ASB15: variants seen among roughly 807,000 people sequenced by gnomAD.
ASB15 encodes ankyrin repeat and SOCS box protein 15.
ASB15 carries 54 observed loss-of-function variants against 58.0 expected under a neutral mutation model. The observed-to-expected ratio is 0.93, with a 90% CI of 0.75 to 1.17. ASB15 has a LOEUF of 1.17. Among genes scored for constraint, ASB15 ranks in the 50% most tolerant of loss-of-function variants. The pLI, the probability that ASB15 is intolerant of heterozygous loss-of-function variation, is 0.00. For synonymous variants in ASB15, 249 were observed against 262.4 expected, an observed-to-expected ratio of 0.95 and a Z score of 0.50; for missense variants, 680 against 707.4, an observed-to-expected ratio of 0.96 and a Z score of 0.44.
chr7:123,596,196 C>A (rs1458268554), intron 1 of ASB15, among the ~76,000 whole-genome samples: 1 of 151,976 alleles, frequency 6.6e-6, no homozygotes. Context: ...GGAGGCAAAT[C>A]ATGAGACCAT....
intron 7 of ASB15, among the ~76,000 whole-genome samples, chr7:123,619,477 G>T (rs1801085729): frequency 1.3e-5 from 2 of 152,172 alleles, no homozygotes; most frequent in South Asian, 2.1e-4. Flanking sequence ...AGTTTGCTCA[G>T]TGAAGAGGGT....
intron 1 of ASB15, among the ~76,000 whole-genome samples, chr7:123,568,995 C>G (rs1798833260): frequency 6.6e-6 from 1 of 152,068 alleles, no homozygotes. Flanking sequence ...AGAGAAAGGA[C>G]TTCAGAAATG....
chr7:123,605,376 T>C (rs1047700608), intron 2 of ASB15, among the ~76,000 whole-genome samples: 2 of 152,134 alleles, frequency 1.3e-5, no homozygotes, highest in African/African-American at 2.4e-5. Flanking sequence ...GAAAAGGGAA[T>C]GCTTATACAA....
chr7:123,624,619 A>G lies in ASB15; in HGVS notation c.502A>G (p.Thr168Ala), dbSNP rs191397842. 1 of 1,613,798 alleles carries G rather than the reference A, an allele frequency of 6.2e-7. No homozygotes were observed. The highest frequency in any genetic ancestry group is 8.5e-7 in the Non-Finnish European group (1 of 1,179,794). The change falls in exon 8 of 12, where the codon ACT becomes GCT. Residue 168 changes from threonine to alanine, a missense_variant. Physicochemically the swap from Thr to Ala is moderately conservative, Grantham distance 58. Transcript: ENST00000451215. ...DMVSTLIKHN[T>A]SLDQPCVKRW... ...GGTGTCGACTCTGATCAAACATAAC[A>G]CTAGCCTAGACCAGCCCTGTGTCAA...
intron 6 of ASB15, among the ~76,000 whole-genome samples, chr7:123,617,265 A>G (rs1488965890): frequency 6.6e-6 from 1 of 152,216 alleles, no homozygotes; most frequent in Non-Finnish European, 1.5e-5. Flanking sequence ...AAACAATTTC[A>G]GTTACAATAT....
intron 1 of ASB15, among the ~76,000 whole-genome samples, chr7:123,583,753 C>T (rs541189511): frequency 2.6e-5 from 4 of 151,900 alleles, no homozygotes; most frequent in African/African-American, 9.6e-5. Flanking sequence ...CTCTTTTCCT[C>T]ATAACATCTT....
chr7:123,629,212 C>T lies in ASB15; in HGVS notation c.1218C>T (p.Val406=). The T allele has an allele frequency of 6.2e-7, 1 of 1,613,516 alleles. No homozygotes were observed. The highest frequency in any genetic ancestry group is 8.5e-7 in the Non-Finnish European group (1 of 1,179,530). Residue 406 remains valine (V), a synonymous_variant, in exon 10 of 12, where the codon GTC becomes GTT. Transcript: ENST00000451215. ...VRLLLSHGAN[V]NCYFMHVNDT... Reference sequence around the variant, plus strand: ...TGCTTCTCTCCCATGGAGCTAATGTCAATTGTTATTTTATGCATGTGAATG... The same window carrying T: ...TGCTTCTCTCCCATGGAGCTAATGTTAATTGTTATTTTATGCATGTGAATG...
In ASB15 at chr7:123,628,558, A is replaced by G. The variant is rs538857803; in HGVS notation, c.870-306A>G. On this transcript the variant is annotated intron_variant, in intron 9 of 11. Coordinates refer to ENST00000451215, the MANE Select transcript of ASB15 (RefSeq NM_001290258.2). ...ATAGTATTGGTTGCCTGTAAATATT[A>G]TATTGTTCAGAGGAGAATTGGAAGA... Among the ~76,000 whole-genome samples, 3 of 152,320 alleles carry G rather than the reference A, an allele frequency of 2.0e-5. No homozygotes were observed. The South Asian group carries it at 6.2e-4, about 32-fold the overall frequency.
rs1016096333 is a variant in ASB15 at position 123,590,974 on chromosome 7, T to C, written c.-442-13058T>C. On this transcript the variant is annotated intron_variant, in intron 1 of 13. Transcript: ENST00000451558. ...TTTGTTTGTGTCTTCTTTTATTTTA[T>C]TGAGCAGTGGTTTGTAGTTCTCCTT... Among the ~76,000 whole-genome samples, 3 of 152,184 alleles carry C rather than the reference T, an allele frequency of 2.0e-5. No homozygotes were observed. In the East Asian group the frequency reaches 5.8e-4, roughly 29 times the overall value.
intron 1 of ASB15, among the ~76,000 whole-genome samples, chr7:123,575,242 C>T (rs1466819439): frequency 6.6e-6 from 1 of 151,956 alleles, no homozygotes; most frequent in Non-Finnish European, 1.5e-5. Context: ...TAGTTCCCTA[C>T]TAGGAAAAAA....
At chr7:123,589,831 A>G (rs1300450780) in intron 1 of ASB15, among the ~76,000 whole-genome samples, 2 of 152,200 alleles carry the variant, frequency 1.3e-5, no homozygotes, top group African/African-American at 4.8e-5. Flanking sequence ...TCGGGTATAT[A>G]CCCAGTAATG....
intron 1 of ASB15, among the ~76,000 whole-genome samples, chr7:123,568,856 T>C (rs1798830491): frequency 1.3e-5 from 2 of 152,096 alleles, no homozygotes; most frequent in South Asian, 2.1e-4. Flanking sequence ...AAATTAAGTA[T>C]AAAAAGTTGA....
intron 1 of ASB15, among the ~76,000 whole-genome samples, chr7:123,572,697 ACT>A: frequency 8.2e-6 from 1 of 122,408 alleles, no homozygotes; most frequent in South Asian, 2.9e-4. Flanking sequence ...TAATATATTC[ACT>A]CTATCTCTTT....
In ASB15 at chr7:123,629,412, C is replaced by G. The variant is rs1006657131; in HGVS notation, c.1418C>G (p.Ser473Cys). Residue 473 changes from serine to cysteine, a missense_variant, in exon 10 of 12, where the codon TCT becomes TGT. By Grantham distance (112) the Ser-to-Cys change is moderately radical. Transcript: ENST00000451215. ...IQEEVLPGWT[S>C]CVIKDNPFCE... ...GAAGAGGTGCTGCCAGGATGGACATCTTGTGTAATAAAAGATAACCCGGTG... is the reference window on the plus strand; with the variant it reads ...GAAGAGGTGCTGCCAGGATGGACATGTTGTGTAATAAAAGATAACCCGGTG... 1.9e-6 allele frequency: 3 copies of G among 1,609,942 alleles called. No individual in the cohort carries two copies. Among genetic ancestry groups the G allele is most frequent in the Non-Finnish European group, 2.5e-6 (3 of 1,178,832 alleles).
chr7:123,609,955 T>G (rs1327719771), intron 3 of ASB15, among the ~76,000 whole-genome samples: 1 of 152,180 alleles, frequency 6.6e-6, no homozygotes, highest in African/African-American at 2.4e-5. Context: ...GTTTGGACCA[T>G]GATGTTTAGA....
At chr7:123,611,062 A>G (rs1319522001) in intron 3 of ASB15, among the ~76,000 whole-genome samples, 3 of 143,778 alleles carry the variant, frequency 2.1e-5, no homozygotes, top group Non-Finnish European at 4.5e-5. Context: ...CAACCTGGGC[A>G]AAAGAGCAAA....
At chr7:123,594,756 G>A (rs1026719025) in intron 1 of ASB15, among the ~76,000 whole-genome samples, 5 of 152,172 alleles carry the variant, frequency 3.3e-5, no homozygotes, top group East Asian at 1.9e-4. Flanking sequence ...CCCACTTAAG[G>A]AGGCAGTCTG....
At chr7:123,603,608 T>C (rs1799993815) in intron 1 of ASB15, among the ~76,000 whole-genome samples, 1 of 152,200 alleles carries the variant, frequency 6.6e-6, no homozygotes, top group South Asian at 2.1e-4. Flanking sequence ...TCAACATTTA[T>C]CTTTATCAGT....
At chr7:123,567,207 C>A (rs1375968191) in intron 1 of ASB15, 1 of 152,136 alleles carries the variant, frequency 6.6e-6, no homozygotes, top group Non-Finnish European at 1.5e-5. Context: ...GAATTAGGAA[C>A]ATCATCCTTG....
Sources: allele counts gnomAD v4.1 joint callset (sites outside exome capture counted in the v4.1 genomes callset), GRCh38; gene constraint gnomAD v4.1.1; transcripts MANE v1.5; gene names NCBI Gene and HGNC (gene_info 2026-07-23, HGNC 2026-07-21).